The following PGBD2 variants were observed in gnomAD, a reference collection of about 807,000 sequenced individuals.
The protein encoded by PGBD2 is piggyBac transposable element-derived protein 2.
Under a neutral mutation model 8.1 loss-of-function variants are expected in PGBD2, and 6 were observed. That is an observed-to-expected ratio of 0.74 (90% CI 0.40 to 1.46). The LOEUF (loss-of-function observed/expected upper bound fraction) is 1.46. PGBD2 is among the 40% of genes most tolerant of loss of function. The probability of loss-of-function intolerance (pLI) is 0.02; values close to 1 mark genes in which losing one functional copy is unlikely to be tolerated. For synonymous variants in PGBD2, 318 were observed against 272.2 expected (o/e 1.17, Z -1.66); for missense variants, 802 against 739.0 (o/e 1.09, Z -0.99).
the PGBD2 span, among the ~76,000 whole-genome samples, chr1:248,899,056 AT>A: frequency 1.3e-5 from 2 of 152,212 alleles, no homozygotes; most frequent in Non-Finnish European, 2.9e-5. Flanking sequence ...GGAGTTAACT[AT>A]CCTAAATATA....
chr1:248,913,954 C>A (rs12025760), intron 2 of PGBD2, 75 bp downstream of exon 2: 17,023 of 1,252,312 alleles, frequency 0.014, 516 homozygotes, highest in East Asian at 0.12. Flanking sequence ...AGGTCCATGA[C>A]ATTTTTAGCT....
chr1:248,894,860 A>G, the PGBD2 span, among the ~76,000 whole-genome samples: 1 of 151,894 alleles, frequency 6.6e-6, no homozygotes, highest in African/African-American at 2.4e-5. Context: ...CAATGACACA[A>G]TCATAGCTCA....
At chr1:248,913,706 G>A (rs1269941019) in intron 1 of PGBD2, 110 bp from the exon 2 acceptor site, 4 of 693,028 alleles carry the variant, frequency 5.8e-6, no homozygotes, top group South Asian at 5.1e-5. Context: ...CACTATTAAG[G>A]TGGTGAATCT....
At chr1:248,906,663 G>A (rs1661650105) in intron 1 of PGBD2, among the ~76,000 whole-genome samples, 1 of 148,216 alleles carries the variant, frequency 6.7e-6, no homozygotes, top group African/African-American at 2.5e-5. Context: ...GGCAGGCTCG[G>A]GCGGGGTGGG....
At chr1:248,899,467 A>C in the PGBD2 span, among the ~76,000 whole-genome samples, 9 of 152,136 alleles carry the variant, frequency 5.9e-5, no homozygotes, top group Non-Finnish European at 1.2e-4. Context: ...ACCACTACGT[A>C]GAAATTGAAA....
At chr1:248,908,524 C>T (rs905624726) in intron 1 of PGBD2, among the ~76,000 whole-genome samples, 4 of 152,142 alleles carry the variant, frequency 2.6e-5, no homozygotes, top group Non-Finnish European at 5.9e-5. Context: ...TTAAGTCCTC[C>T]TTAAGTGTGT....
intron 1 of PGBD2, among the ~76,000 whole-genome samples, chr1:248,908,131 C>A (rs550434849): frequency 1.2e-3 from 176 of 152,194 alleles, no homozygotes; most frequent in Non-Finnish European, 2.2e-3. Flanking sequence ...TCTTTACTCT[C>A]ACCTATTTCC....
At chr1:248,873,985 C>T in the PGBD2 span, among the ~76,000 whole-genome samples, 1 of 152,148 alleles carries the variant, frequency 6.6e-6, no homozygotes, top group African/African-American at 2.4e-5. Context: ...GCATTTTATT[C>T]CCCGGAAGAA....
the PGBD2 span, among the ~76,000 whole-genome samples, chr1:248,883,634 T>G: frequency 1.4e-5 from 2 of 147,146 alleles, no homozygotes; most frequent in Non-Finnish European, 3.0e-5. Context: ...TGTCGCCTTG[T>G]CGCCCAGGCT....
At position 248,917,960 on chromosome 1, in the gene PGBD2, A is replaced by T; in HGVS notation, c.1376A>T (p.Lys459Met). The change falls in exon 3 of 3, where the codon AAG becomes ATG. Residue 459 changes from lysine to methionine, a missense_variant. Coordinates refer to ENST00000329291, the MANE Select transcript of PGBD2 (RefSeq NM_170725.3). ...QPSLVKLYQEKVGGVGRMDQN... is the reference protein window; with the variant it reads ...QPSLVKLYQEMVGGVGRMDQN... The stretch of plus-strand genomic sequence containing the variant: ...TCACTGGTGAAGCTGTATCAGGAGA[A>T]GGTGGGTGGCGTTGGTAGGATGGAT... 6.2e-7 allele frequency: 1 copy of T among 1,614,216 alleles called. No homozygotes were observed. Among genetic ancestry groups the T allele is most frequent in the Non-Finnish European group, 8.5e-7 (1 of 1,180,024 alleles).
chr1:248,922,924 T>G (rs1183436340), downstream of PGBD2, among the ~76,000 whole-genome samples: 2 of 152,218 alleles, frequency 1.3e-5, no homozygotes, highest in African/African-American at 4.8e-5. Context: ...TTTTCTTTCT[T>G]TCTTGTGTCT....
chr1:248,896,323 A>T, the PGBD2 span, among the ~76,000 whole-genome samples: 4 of 152,080 alleles, frequency 2.6e-5, no homozygotes, highest in Non-Finnish European at 5.9e-5. Context: ...TAGTCTCCAT[A>T]ATCCATAAGC....
chr1:248,878,387 C>A, the PGBD2 span, among the ~76,000 whole-genome samples: 1 of 152,074 alleles, frequency 6.6e-6, no homozygotes, highest in African/African-American at 2.4e-5. Context: ...CTATGTTGGC[C>A]AGGCTGGTCT....
chr1:248,929,442 G>T, the PGBD2 span, among the ~76,000 whole-genome samples: 1 of 152,190 alleles, frequency 6.6e-6, no homozygotes, highest in Non-Finnish European at 1.5e-5. Context: ...GCTGTGATGA[G>T]GCTGGCACCC....
At chr1:248,876,904 A>G in the PGBD2 span, among the ~76,000 whole-genome samples, 1 of 152,226 alleles carries the variant, frequency 6.6e-6, no homozygotes, top group Non-Finnish European at 1.5e-5. Flanking sequence ...TTATGTAAAT[A>G]ATGTGCTAAT....
chr1:248,877,023 C>T, the PGBD2 span, among the ~76,000 whole-genome samples: 2 of 152,084 alleles, frequency 1.3e-5, no homozygotes, highest in African/African-American at 4.8e-5. Context: ...TATTAATTGT[C>T]CCCAAAAATC....
At chr1:248,898,638 C>A in the PGBD2 span, among the ~76,000 whole-genome samples, 2 of 152,176 alleles carry the variant, frequency 1.3e-5, no homozygotes, top group African/African-American at 4.8e-5. Flanking sequence ...AAACCGTTAC[C>A]AGCCACTACA....
the PGBD2 span, among the ~76,000 whole-genome samples, chr1:248,879,022 A>G: frequency 0.055 from 8,405 of 152,272 alleles, 749 homozygotes; most frequent in African/African-American, 0.19. Flanking sequence ...ATTGCTCACA[A>G]TTAGCTATAT....
In PGBD2 at chr1:248,918,390, A is replaced by G. The variant is rs765396140; in HGVS notation, c.*27A>G. On this transcript the variant is annotated 3_prime_UTR_variant, in exon 3 of 3. Coordinates refer to ENST00000329291, the MANE Select transcript of PGBD2 (RefSeq NM_170725.3). Reference sequence around the variant, plus strand: ...ATCATGAGACATGCTTCTTTGGTTTATAATGAGATGTTTACAGTTAAATAC... The same window carrying G: ...ATCATGAGACATGCTTCTTTGGTTTGTAATGAGATGTTTACAGTTAAATAC... 3.2e-5 allele frequency: 48 copies of G among 1,517,908 alleles called. No individual in the cohort carries two copies. The highest frequency in any genetic ancestry group is 4.0e-5 in the Non-Finnish European group (45 of 1,133,532). 94.0% of individuals were successfully genotyped at this position (1,517,908 alleles called of 1,614,324 possible). A position where few individuals can be genotyped will look rare whatever the true frequency, so the allele number is the denominator to read the frequency against.
Sources: gnomAD v4.1 joint callset for allele counts (sites outside exome capture counted in the v4.1 genomes callset) on GRCh38, gnomAD v4.1.1 for gene constraint, MANE v1.5 for transcripts, NCBI Gene and HGNC (gene_info 2026-07-23, HGNC 2026-07-21) for gene names.